The following CUL1 variants were observed in gnomAD, a reference collection of about 807,000 sequenced individuals.
CUL1 encodes cullin 1.
Under a neutral mutation model 118.0 loss-of-function variants are expected in CUL1, and 24 were observed. The observed-to-expected ratio is 0.20, with a 90% confidence interval of 0.15 to 0.29. The LOEUF (loss-of-function observed/expected upper bound fraction) is 0.29. Among genes scored for constraint, CUL1 ranks in the 10% least tolerant of loss-of-function variants. The pLI, the probability that CUL1 is intolerant of heterozygous loss-of-function variation, is 1.00. For missense variants in CUL1, 361 were observed against 933.8 expected (o/e 0.39, Z 7.99); for synonymous variants, 332 against 340.4 (o/e 0.98, Z 0.27).
chr7:148,706,677 T>C (rs942251230), intron 1 of CUL1, among the ~76,000 whole-genome samples: 1 of 8,546 alleles, frequency 1.2e-4, no homozygotes, highest in African/African-American at 4.4e-4. Flanking sequence ...GTGTTGGGGG[T>C]GGGGGCGGCG....
intron 9 of CUL1, among the ~76,000 whole-genome samples, chr7:148,781,639 T>C (rs1489086910): frequency 6.6e-6 from 1 of 152,216 alleles, no homozygotes; most frequent in Non-Finnish European, 1.5e-5. Flanking sequence ...GGAAACGTTA[T>C]AGTCAACATA....
intron 9 of CUL1, among the ~76,000 whole-genome samples, chr7:148,777,585 A>G (rs1040688020): frequency 6.6e-6 from 1 of 152,212 alleles, no homozygotes; most frequent in Non-Finnish European, 1.5e-5. Context: ...AGAGTTCTCC[A>G]AATTAACTCT....
At chr7:148,775,880 T>G (rs1203735694) in intron 9 of CUL1, among the ~76,000 whole-genome samples, 1 of 152,106 alleles carries the variant, frequency 6.6e-6, no homozygotes, top group Non-Finnish European at 1.5e-5. Flanking sequence ...AGGTTTGATT[T>G]TTAGTTCAGG....
At position 148,783,794 on chromosome 7, in the gene CUL1, G is replaced by A. The variant is rs750720092; in HGVS notation, c.1095G>A (p.Met365Ile). The part of the protein sequence containing the change: ...CGEAALNDPK[M>I]YVQTVLDVHK... ...TGCCCCCATTTAAGGACCCCAAAAT[G>A]TATGTACAGACAGTGCTTGATGTTC... The change falls in exon 10 of 22, where the codon ATG (methionine) becomes ATA (isoleucine). Residue 365 changes from methionine (M) to isoleucine (I), a missense_variant. By Grantham distance (10) the Met-to-Ile change is conservative. Coordinates refer to ENST00000325222, the MANE Select transcript of CUL1 (RefSeq NM_003592.3). 6.8e-6 allele frequency: 11 copies of A among 1,613,930 alleles called. No homozygotes were observed. In the Admixed American group the frequency reaches 1.5e-4, roughly 22 times the overall value.
rs879290722 is a variant in CUL1, at chr7:148,732,508, A to AT, written c.140+2261dup. Among the ~76,000 whole-genome samples the AT allele has an allele frequency of 5.8e-3, 833 of 143,056 alleles. 8 individuals carry two copies. The highest frequency in any genetic ancestry group is 0.017 in the African/African-American group (669 of 39,110). The allele number at this position is 143,056 out of a possible 152,430, so 93.9% of individuals were successfully genotyped here. A position where few individuals can be genotyped will look rare whatever the true frequency, so the allele number is the denominator to read the frequency against. On this transcript the variant is annotated intron_variant, in intron 2 of 21. Coordinates refer to ENST00000325222, the MANE Select transcript of CUL1 (RefSeq NM_003592.3). Reference sequence around the variant, plus strand: ...AGGCACGCACCATCATGCCCGGCTAATTTTTTTTTTTTTTTCCTAGAGACT... The same window carrying AT: ...AGGCACGCACCATCATGCCCGGCTAATTTTTTTTTTTTTTTTCCTAGAGACT...
intron 1 of CUL1, among the ~76,000 whole-genome samples, chr7:148,723,801 T>C (rs7807808): frequency 0.045 from 6,878 of 151,996 alleles, 556 homozygotes; most frequent in African/African-American, 0.16. Context: ...TTTTTTTTTT[T>C]TCTTTTTAAA....
intron 1 of CUL1, among the ~76,000 whole-genome samples, chr7:148,702,341 T>G (rs556340210): frequency 2.6e-5 from 4 of 152,328 alleles, no homozygotes; most frequent in Admixed American, 6.5e-5. Context: ...AGAGAAGACA[T>G]GGAGTCTAGT....
chr7:148,797,450 C>T (rs1801242275), intron 17 of CUL1, among the ~76,000 whole-genome samples: 1 of 149,754 alleles, frequency 6.7e-6, no homozygotes, highest in Non-Finnish European at 1.5e-5. Context: ...ATTTTCCAAT[C>T]AGGGCTGCTG....
At chr7:148,768,326 C>T (rs1318523154) in intron 9 of CUL1, among the ~76,000 whole-genome samples, 1 of 150,634 alleles carries the variant, frequency 6.6e-6, no homozygotes. Flanking sequence ...TTCAGTTTTG[C>T]TCCTGTTGTG....
intron 7 of CUL1, among the ~76,000 whole-genome samples, chr7:148,761,646 T>C (rs1485837684): frequency 6.6e-6 from 1 of 152,262 alleles, no homozygotes. Context: ...GTGATCTCTT[T>C]TGCAGCTGTT....
intron 3 of CUL1, 119 bp from the exon 4 acceptor site, chr7:148,756,864 A>G (rs920169834): frequency 1.8e-5 from 10 of 544,248 alleles, no homozygotes; most frequent in Non-Finnish European, 2.7e-5. Flanking sequence ...TAATTTAAAG[A>G]AGCCATCTAA....
At chr7:148,759,415 T>C in intron 5 of CUL1, 61 bp downstream of exon 5, 1 of 1,571,238 alleles carries the variant, frequency 6.4e-7, no homozygotes, top group Non-Finnish European at 8.8e-7. Flanking sequence ...TTTCGTTGCT[T>C]AGCTTTTGTC....
chr7:148,725,219 G>GCACACACACACA, intron 1 of CUL1, among the ~76,000 whole-genome samples: 2,000 of 140,094 alleles, frequency 0.014, 22 homozygotes, highest in African/African-American at 0.021. Context: ...ACACGCGCGC[G>GCACACACACACA]CTCACACACA....
At chr7:148,698,501 G>A (rs1797593010), upstream of CUL1, 1 of 152,196 alleles carries the variant, frequency 6.6e-6, no homozygotes, top group African/African-American at 2.4e-5. Context: ...CCGGGTCGGG[G>A]ATGTCTCGGG....
chr7:148,718,240 G>T (rs942696794), intron 1 of CUL1, among the ~76,000 whole-genome samples: 12 of 152,186 alleles, frequency 7.9e-5, no homozygotes, highest in African/African-American at 2.9e-4. Context: ...TAATGCACAT[G>T]CTATAAAAGT....
intron 8 of CUL1, 77 bp downstream of exon 8, chr7:148,766,800 C>A (rs965673346): frequency 2.4e-6 from 3 of 1,242,182 alleles, no homozygotes; most frequent in Non-Finnish European, 3.4e-6. Flanking sequence ...TCTAGACTCT[C>A]GAGTCAACGG....
Position 148,787,421 on chromosome 7 carries a change from C to T in CUL1, c.1479+301C>T, listed in dbSNP as rs1224940712. On this transcript the variant is annotated intron_variant, in intron 13 of 21. Coordinates refer to ENST00000325222, the MANE Select transcript of CUL1 (RefSeq NM_003592.3). The surrounding 1 kb of genome is among the most constrained non-coding windows in gnomAD (Gnocchi z 5.5). Reference sequence around the variant, plus strand: ...AGGTTGCGGTGAGCCGAGATCACACCACTACACTCCAGCCTGGGCAACAGA... The same window carrying T: ...AGGTTGCGGTGAGCCGAGATCACACTACTACACTCCAGCCTGGGCAACAGA... Among the ~76,000 whole-genome samples the T allele has an allele frequency of 6.6e-6, 1 of 152,126 alleles. No homozygotes were observed. Among genetic ancestry groups the T allele is most frequent in the Non-Finnish European group, 1.5e-5 (1 of 68,002 alleles).
Position 148,797,800 on chromosome 7 carries a change from C to G in CUL1, c.1900-12C>G. 1 of 1,605,168 alleles carries G rather than the reference C, an allele frequency of 6.2e-7. No individual in the cohort carries two copies. The highest frequency in any genetic ancestry group is 8.5e-7 in the Non-Finnish European group (1 of 1,176,078). On this transcript the variant is annotated splice_polypyrimidine_tract_variant and intron_variant, in intron 17 of 21. Transcript: ENST00000325222. ...TTTCCCTTTAACTTCCTCTTTTTCT[C>G]TTTAATTGCAGGACATTTTGGCGCA...
intron 2 of CUL1, among the ~76,000 whole-genome samples, chr7:148,747,407 A>G (rs1262280305): frequency 6.6e-6 from 1 of 152,210 alleles, no homozygotes; most frequent in African/African-American, 2.4e-5. Flanking sequence ...AGAGCTGAAA[A>G]TGAAGGTGCT....
Sources: gnomAD v4.1 joint callset for allele counts (sites outside exome capture counted in the v4.1 genomes callset) on GRCh38, gnomAD v4.1.1 for gene constraint, Gnocchi (gnomAD v3.1) non-coding constraint, MANE v1.5 for transcripts, NCBI Gene and HGNC (gene_info 2026-07-23, HGNC 2026-07-21) for gene names.